The following PTPRT variants were observed in gnomAD, a reference collection of about 807,000 sequenced individuals.
The protein encoded by PTPRT is protein tyrosine phosphatase receptor type T.
Under a neutral mutation model 176.8 loss-of-function variants are expected in PTPRT, and 56 were observed. The ratio of observed to expected loss-of-function variants is 0.32; its 90% CI spans 0.26 to 0.40. The LOEUF (loss-of-function observed/expected upper bound fraction) is 0.40. PTPRT is among the 10% of genes least tolerant of loss of function. The probability of loss-of-function intolerance (pLI) is 1.00; values close to 1 mark genes in which losing one functional copy is unlikely to be tolerated. For synonymous variants in PTPRT, 783 were observed against 739.0 expected (o/e 1.06, Z -0.96); for missense variants, 1,540 against 1,908.2 (o/e 0.81, Z 3.60).
At chr20:42,649,035 G>A (rs926855994) in intron 7 of PTPRT, among the ~76,000 whole-genome samples, 1 of 151,860 alleles carries the variant, frequency 6.6e-6, no homozygotes, top group Non-Finnish European at 1.5e-5. Context: ...TAGCCAGGAT[G>A]GTCTCAATCT....
At position 42,270,310 on chromosome 20, in the gene PTPRT, T is replaced by C. The variant is rs907760807; in HGVS notation, c.2176+12179A>G. 2.3e-6 allele frequency: 3 copies of C among 1,289,402 alleles called. No homozygotes were observed. The African/African-American group carries it at 4.4e-5, about 19-fold the overall frequency. The allele number at this position is 1,289,402 out of a possible 1,614,324, so 79.9% of individuals were successfully genotyped here. ...TGGGTGGGTGGGGTGGAAAGACTGC[T>C]GATTCCTCTCTGGTGCACCTGGCCT... On this transcript the variant is annotated intron_variant, in intron 13 of 30. Coordinates refer to ENST00000373187, the MANE Select transcript of PTPRT (RefSeq NM_007050.6).
At chr20:42,266,860 G>C (rs1568723068) in intron 13 of PTPRT, among the ~76,000 whole-genome samples, 1 of 152,168 alleles carries the variant, frequency 6.6e-6, no homozygotes, top group African/African-American at 2.4e-5. Flanking sequence ...CGTACTTAGA[G>C]CACTTGAAAG....
At chr20:43,155,636 T>TGA (rs2014495573) in intron 1 of PTPRT, among the ~76,000 whole-genome samples, 1 of 152,190 alleles carries the variant, frequency 6.6e-6, no homozygotes, top group Non-Finnish European at 1.5e-5. Context: ...TAGTTAATGA[T>TGA]GATAAATTGT....
chr20:42,809,580 C>T (rs2077664375), intron 2 of PTPRT, among the ~76,000 whole-genome samples: 1 of 152,130 alleles, frequency 6.6e-6, no homozygotes, highest in South Asian at 2.1e-4. Context: ...TTCTGGAGGC[C>T]AGAAGTCTGA....
chr20:42,660,379 G>A (rs1392143040), intron 7 of PTPRT, among the ~76,000 whole-genome samples: 1 of 151,860 alleles, frequency 6.6e-6, no homozygotes, highest in African/African-American at 2.4e-5. Flanking sequence ...CACTGTTTGG[G>A]GTATTGTAAG....
intron 23 of PTPRT, among the ~76,000 whole-genome samples, chr20:42,107,226 CT>C (rs2146269601): frequency 9.8e-6 from 1 of 101,862 alleles, no homozygotes; most frequent in African/African-American, 2.9e-5. Context: ...CTTTTCTCTT[CT>C]TTTTTCTTCT....
chr20:43,009,411 A>G (rs1343836359), intron 1 of PTPRT, among the ~76,000 whole-genome samples: 1 of 152,158 alleles, frequency 6.6e-6, no homozygotes, highest in African/African-American at 2.4e-5. Flanking sequence ...AACACAGCCC[A>G]GAGTGTTATG....
chr20:43,095,228 G>T (rs1383970477), intron 1 of PTPRT, among the ~76,000 whole-genome samples: 2 of 152,032 alleles, frequency 1.3e-5, no homozygotes, highest in Non-Finnish European at 2.9e-5. Context: ...TTGCAGGGTG[G>T]CCTCTCATCA....
chr20:42,870,752 T>G (rs953242989), intron 2 of PTPRT, among the ~76,000 whole-genome samples: 1 of 152,204 alleles, frequency 6.6e-6, no homozygotes, highest in African/African-American at 2.4e-5. Context: ...TATTTTTTAT[T>G]TTTGGTTTTC....
intron 1 of PTPRT, among the ~76,000 whole-genome samples, chr20:42,938,385 G>A (rs1980332699): frequency 6.6e-6 from 1 of 152,168 alleles, no homozygotes; most frequent in Non-Finnish European, 1.5e-5. Context: ...GCCTAGCATA[G>A]CTAGGGTCTG....
At chr20:42,511,262 G>C (rs752879240) in intron 7 of PTPRT, among the ~76,000 whole-genome samples, 2 of 152,082 alleles carry the variant, frequency 1.3e-5, no homozygotes, top group Non-Finnish European at 2.9e-5. Context: ...CAGGTATTCT[G>C]TTATAAGCAA....
At chr20:42,686,579 G>A (rs1318946026) in intron 6 of PTPRT, among the ~76,000 whole-genome samples, 1 of 140,338 alleles carries the variant, frequency 7.1e-6, no homozygotes, top group Non-Finnish European at 1.5e-5. Flanking sequence ...CGCCTCCCGG[G>A]TTCAAGTGAT....
At position 42,919,805 on chromosome 20, in the gene PTPRT, C is replaced by T. The variant is rs182729196; in HGVS notation, c.89-33873G>A. Reference sequence around the variant, plus strand: ...TTTACTTACGAATGTTCCTTTTGTTCATTCTTTTAGTGTAGTTCAGTGAAT... The same window carrying T: ...TTTACTTACGAATGTTCCTTTTGTTTATTCTTTTAGTGTAGTTCAGTGAAT... On this transcript the variant is annotated intron_variant, in intron 1 of 30. Transcript: ENST00000373187. 5.3e-5 allele frequency among the ~76,000 whole-genome samples: 8 copies of T among 152,326 alleles called. No homozygotes were observed. The East Asian group carries it at 1.3e-3, about 26-fold the overall frequency.
At chr20:42,423,320 T>C (rs1401594109) in intron 9 of PTPRT, among the ~76,000 whole-genome samples, 1 of 152,110 alleles carries the variant, frequency 6.6e-6, no homozygotes, top group Admixed American at 6.5e-5. Context: ...GTCTCCCTGC[T>C]TATAGGCTAG....
At chr20:42,974,122 G>A (rs1982809135) in intron 1 of PTPRT, among the ~76,000 whole-genome samples, 1 of 152,170 alleles carries the variant, frequency 6.6e-6, no homozygotes, top group African/African-American at 2.4e-5. Flanking sequence ...CCAACCAGCA[G>A]CAGATGCTAC....
chr20:42,222,647 G>A (rs557829037), intron 15 of PTPRT, among the ~76,000 whole-genome samples: 4 of 152,322 alleles, frequency 2.6e-5, no homozygotes, highest in South Asian at 2.1e-4. Flanking sequence ...ATAGCTGAAC[G>A]CGTGGAGGTT....
chr20:42,068,299 T>A (rs187375196), downstream of PTPRT, among the ~76,000 whole-genome samples: 1 of 152,260 alleles, frequency 6.6e-6, no homozygotes, highest in East Asian at 1.9e-4. Context: ...GAAGCATGCT[T>A]GGAAATTGTT....
chr20:42,232,430 C>A (rs1308915255), intron 15 of PTPRT, among the ~76,000 whole-genome samples: 5 of 152,156 alleles, frequency 3.3e-5, no homozygotes, highest in Non-Finnish European at 7.3e-5. Context: ...TGGGCTGGGG[C>A]CCTTGATGCT....
At chr20:42,891,603 A>T (rs2079193779) in intron 1 of PTPRT, among the ~76,000 whole-genome samples, 1 of 152,214 alleles carries the variant, frequency 6.6e-6, no homozygotes, top group African/African-American at 2.4e-5. Context: ...TGTCAATCAG[A>T]ATTTTTTTAA....
Sources: gnomAD v4.1 joint callset for allele counts (sites outside exome capture counted in the v4.1 genomes callset) on GRCh38, gnomAD v4.1.1 for gene constraint, MANE v1.5 for transcripts, NCBI Gene and HGNC (gene_info 2026-07-23, HGNC 2026-07-21) for gene names.